GSN: variants seen among roughly 807,000 people sequenced by gnomAD.
The protein encoded by GSN is gelsolin, also known as actin-depolymerizing factor.
Under a neutral mutation model 85.7 loss-of-function variants are expected in GSN, and 56 were observed. The ratio of observed to expected loss-of-function variants is 0.65; its 90% CI spans 0.53 to 0.82. GSN has a LOEUF of 0.82. Ranked by LOEUF, GSN falls within the 40% of genes least tolerant of loss-of-function variation. The probability of loss-of-function intolerance (pLI) is 0.00; values close to 1 mark genes in which losing one functional copy is unlikely to be tolerated. For synonymous variants in GSN, 373 were observed against 399.1 expected (o/e 0.93, Z 0.78); for missense variants, 857 against 979.8 (o/e 0.87, Z 1.67).
At chr9:121,236,376 C>T (rs571393694) in intron 5 of GSN, among the ~76,000 whole-genome samples, 1 of 152,002 alleles carries the variant, frequency 6.6e-6, no homozygotes, top group Admixed American at 6.6e-5. Context: ...CACGCTACCA[C>T]GGCCGGCAAA....
At chr9:121,201,890 G>A in the GSN span, 2 of 152,616 alleles carry the variant, frequency 1.3e-5, no homozygotes, top group Non-Finnish European at 2.9e-5. Flanking sequence ...CCTGCACAGG[G>A]TTTCCTGTCA....
At chr9:121,253,920 G>C (rs1393565429) in intron 6 of GSN, among the ~76,000 whole-genome samples, 1 of 152,072 alleles carries the variant, frequency 6.6e-6, no homozygotes, top group Non-Finnish European at 1.5e-5. Flanking sequence ...GGGCTCTTGG[G>C]GTGACCCTCC....
intron 11 of GSN, among the ~76,000 whole-genome samples, chr9:121,323,094 G>A (rs912427245): frequency 6.6e-6 from 1 of 152,094 alleles, no homozygotes; most frequent in Non-Finnish European, 1.5e-5. Flanking sequence ...GCCTCCCAAA[G>A]TGTTGGGATT....
At chr9:121,286,902 C>A in intron 2 of GSN, 1 of 711,396 alleles carries the variant, frequency 1.4e-6, no homozygotes, top group Non-Finnish European at 2.4e-6. Flanking sequence ...GAGACAATGC[C>A]AGCCATGGGT....
chr9:121,273,345 T>TA (rs1433777113), intron 1 of GSN, among the ~76,000 whole-genome samples: 1 of 152,204 alleles, frequency 6.6e-6, no homozygotes, highest in East Asian at 1.9e-4. Context: ...ATTTCCCTGC[T>TA]ACAGAGACTG....
chr9:121,232,807 A>G (rs2054419161), intron 5 of GSN, among the ~76,000 whole-genome samples: 1 of 152,218 alleles, frequency 6.6e-6, no homozygotes. Context: ...TCATAGAAGT[A>G]GAGACTCATG....
At chr9:121,284,532 G>C (rs1460508960) in intron 2 of GSN, 1 of 101,406 alleles carries the variant, frequency 9.9e-6, no homozygotes, top group East Asian at 3.4e-4. Flanking sequence ...AGGGGCTCAG[G>C]GAGACAAAGA....
chr9:121,241,260 T>C (rs1017567158), intron 5 of GSN, among the ~76,000 whole-genome samples: 17 of 152,148 alleles, frequency 1.1e-4, no homozygotes, highest in African/African-American at 4.1e-4. Context: ...CTTGGGATAA[T>C]AAAGATGTAA....
intron 6 of GSN, among the ~76,000 whole-genome samples, chr9:121,252,221 G>A (rs2054854106): frequency 6.6e-6 from 1 of 152,150 alleles, no homozygotes; most frequent in African/African-American, 2.4e-5. Context: ...GGGCTTAAAA[G>A]GAGAAGTAGA....
chr9:121,295,872 G>C (rs1322285966), intron 2 of GSN, among the ~76,000 whole-genome samples: 3 of 152,270 alleles, frequency 2.0e-5, no homozygotes, highest in Non-Finnish European at 2.9e-5. Flanking sequence ...CATGTACTGA[G>C]TTGGTAGCAG....
upstream of GSN, among the ~76,000 whole-genome samples, chr9:121,267,634 G>C (rs185544331): frequency 6.6e-6 from 1 of 152,234 alleles, no homozygotes; most frequent in East Asian, 1.9e-4. Context: ...GACCAGGGAT[G>C]CACTTGGCAT....
intron 12 of GSN, among the ~76,000 whole-genome samples, chr9:121,325,674 C>A (rs2063066741): frequency 6.6e-6 from 1 of 152,118 alleles, no homozygotes; most frequent in African/African-American, 2.4e-5. Context: ...GTGGGCAGGG[C>A]TCTAGATTGG....
rs376433993 is a variant in GSN at position 121,289,984 on chromosome 9, A to G, written c.-10+8422A>G. ...GGAGCTGATGTTATGATCCCAGGGA[A>G]AAGATGGGGACACCAAACCAGGACA... On this transcript the variant is annotated intron_variant, in intron 2 of 17. Transcript: ENST00000432226. Among the ~76,000 whole-genome samples, 13 of 152,254 alleles carry G rather than the reference A, an allele frequency of 8.5e-5. No individual in the cohort carries two copies. The South Asian group carries it at 2.5e-3, about 29-fold the overall frequency.
intron 7 of GSN, 66 bp from the exon 8 acceptor site, chr9:121,317,020 T>C: frequency 6.2e-7 from 1 of 1,608,782 alleles, no homozygotes; most frequent in Non-Finnish European, 8.5e-7. Context: ...GGCAAGATGG[T>C]GGAAGTCTCA....
chr9:121,211,647 T>TA (rs1269022893), intron 4 of GSN, among the ~76,000 whole-genome samples: 8 of 152,130 alleles, frequency 5.3e-5, no homozygotes, highest in Non-Finnish European at 1.2e-4. Flanking sequence ...CTTGGCTGGG[T>TA]AGCTTCCCCT....
In GSN at chr9:121,332,314, T is replaced by C. The variant is rs1332041228; in HGVS notation, c.2027-120T>C. ...GGTGCCCAGGGCAGGGGGTGGGCAG[T>C]AGGGACAGTAGGACCATAGACCCTC... On this transcript the variant is annotated intron_variant, in intron 17 of 17. Transcript: ENST00000432226. The surrounding 1 kb of genome is among the most constrained non-coding windows in gnomAD (Gnocchi z 4.8). The C allele has an allele frequency of 1.1e-6, 1 of 933,436 alleles. No individual in the cohort carries two copies. The highest frequency in any genetic ancestry group is 1.6e-5 in the African/African-American group (1 of 62,078). The allele number at this position is 933,436 out of a possible 1,614,324, so 57.8% of individuals were successfully genotyped here.
chr9:121,252,774 G>A (rs1338398978), intron 6 of GSN, among the ~76,000 whole-genome samples: 1 of 152,182 alleles, frequency 6.6e-6, no homozygotes, highest in Non-Finnish European at 1.5e-5. Context: ...AACTTTTGCT[G>A]TATTAAGACA....
intron 5 of GSN, chr9:121,239,091 A>T (rs2054551712): frequency 2.7e-6 from 1 of 373,324 alleles, no homozygotes; most frequent in Non-Finnish European, 5.3e-6. Flanking sequence ...GAATTTGAGT[A>T]ATTGAGCCAT....
chr9:121,321,152 G>A (rs2133749416), intron 10 of GSN, 116 bp from the exon 11 acceptor site: 1 of 1,106,110 alleles, frequency 9.0e-7, no homozygotes, highest in Non-Finnish European at 1.4e-6. Flanking sequence ...GAGCCCAAGT[G>A]ATTAAAAGTT....
Sources: allele counts gnomAD v4.1 joint callset (sites outside exome capture counted in the v4.1 genomes callset), GRCh38; gene constraint gnomAD v4.1.1; non-coding constraint Gnocchi (gnomAD v3.1); transcripts MANE v1.5; gene names NCBI Gene and HGNC (gene_info 2026-07-23, HGNC 2026-07-21).